The following DMAP1 variants were observed in gnomAD, a reference collection of about 807,000 sequenced individuals.
DMAP1 encodes DNA methyltransferase 1-associated protein 1.
In DMAP1, 26 loss-of-function variants were observed where a neutral mutation model predicts 52.7. That is an observed-to-expected ratio of 0.49 (90% CI 0.36 to 0.68). The LOEUF (loss-of-function observed/expected upper bound fraction) is 0.68. Ranked by LOEUF, DMAP1 falls within the 30% of genes least tolerant of loss-of-function variation. The pLI, the probability that DMAP1 is intolerant of heterozygous loss-of-function variation, is 0.00. For synonymous variants in DMAP1, 231 were observed against 246.0 expected, an observed-to-expected ratio of 0.94 and a Z score of 0.57; for missense variants, 439 against 625.2, an observed-to-expected ratio of 0.70 and a Z score of 3.18.
Position 44,219,480 on chromosome 1 carries a change from A to G in DMAP1, c.978+3A>G. The G allele has an allele frequency of 6.4e-7, 1 of 1,571,734 alleles. No individual in the cohort carries two copies. The highest frequency in any genetic ancestry group is 2.0e-5 in the Admixed American group (1 of 51,108). On this transcript the variant is annotated splice_donor_region_variant and intron_variant, in intron 7 of 9. Transcript: ENST00000372289. ...GTGTCACGCTGCGGAGCCAACGGGTACGTGAGTCACCTCCTTTAGCAAGTT... is the reference window on the plus strand; with the variant it reads ...GTGTCACGCTGCGGAGCCAACGGGTGCGTGAGTCACCTCCTTTAGCAAGTT...
rs1256772360 is a variant in DMAP1 at position 44,213,986 on chromosome 1, G to A, written c.105+128G>A. On this transcript the variant is annotated intron_variant, in intron 1 of 9. Transcript: ENST00000372289. This position sits in a 1 kb window ranked among gnomAD's most constrained non-coding sequence, Gnocchi z 4.5. ...GGGCGATAAAAGGGGTGACATAACA[G>A]GACAGGGAATATGTGTCATCCTTGA... The A allele has an allele frequency of 2.0e-5, 17 of 851,616 alleles. No homozygotes were observed. Among genetic ancestry groups the A allele is most frequent in the Non-Finnish European group, 3.2e-5 (17 of 532,154 alleles). 52.8% of individuals were successfully genotyped at this position (851,616 alleles called of 1,614,324 possible).
rs952133390 is a variant in DMAP1 at position 44,220,618 on chromosome 1, A to G, written c.1404A>G (p.Ter468TrpextTer12). The change falls in exon 10 of 10, where the codon TGA becomes TGG. Residue 468 changes from the stop codon to tryptophan (W), a stop_lost. Transcript: ENST00000372289. ...SSSVKKAKKP[*>W] ...CCGTGAAGAAAGCCAAGAAGCCGTG[A>G]GAGGCCCCACGGGGTGTGGGCGACG... is the stretch of plus-strand genomic sequence containing the variant. 6.2e-7 allele frequency: 1 copy of G among 1,614,124 alleles called. No individual in the cohort carries two copies. The highest frequency in any genetic ancestry group is 1.3e-5 in the African/African-American group (1 of 74,944).
Position 44,218,657 on chromosome 1 carries a change from G to A in DMAP1, c.622G>A (p.Val208Met). The stretch of plus-strand genomic sequence containing the variant: ...TGCTAAGCTTGCCAACGTGCGGGCT[G>A]TGCCAGGCACAGACCTTAAGATACC... Reference protein sequence around the residue: ...ICAKLANVRAVPGTDLKIPVF... With the variant: ...ICAKLANVRAMPGTDLKIPVF... The change falls in exon 5 of 10, where the codon GTG becomes ATG. Residue 208 changes from valine (V) to methionine (M), a missense_variant. By Grantham distance (21) the Val-to-Met change is conservative. Around this residue, in one of 3 missense-constraint regions of DMAP1, gnomAD observed 142 missense variants for 149.5 expected, o/e 0.95. Transcript: ENST00000372289. The surrounding 1 kb of genome is among the most constrained non-coding windows in gnomAD (Gnocchi z 5.6). 1 of 1,614,040 alleles carries A rather than the reference G, an allele frequency of 6.2e-7. No homozygotes were observed. The highest frequency in any genetic ancestry group is 8.5e-7 in the Non-Finnish European group (1 of 1,179,926).
chr1:44,217,890 C>T (rs1307042751), intron 3 of DMAP1: 1 of 277,272 alleles, frequency 3.6e-6, no homozygotes, highest in Non-Finnish European at 7.2e-6. Flanking sequence ...GTGGCAAGTC[C>T]CACTGTGCCC....
At position 44,219,740 on chromosome 1, in the gene DMAP1, T is replaced by C. The variant is rs545072434; in HGVS notation, c.979-66T>C. ...CTCTTCCACCATCTTTCCCTCTGCC[T>C]TTTGTCCCCTTCATCCTAAGCCTCT... On this transcript the variant is annotated intron_variant, in intron 7 of 9. Transcript: ENST00000372289. 630 of 1,579,428 alleles carry C rather than the reference T, an allele frequency of 4.0e-4. 1 individual carries two copies. Among genetic ancestry groups the C allele is most frequent in the Non-Finnish European group, 5.1e-4 (593 of 1,154,554 alleles).
Position 44,214,752 on chromosome 1 carries a change from G to C in DMAP1, c.247G>C (p.Val83Leu). Residue 83 changes from valine to leucine, a missense_variant, in exon 3 of 10, where the codon GTG becomes CTG. By Grantham distance (32) the Val-to-Leu change is conservative (BLOSUM62 1). Around this residue, in one of 3 missense-constraint regions of DMAP1, gnomAD observed 118 missense variants for 189.8 expected, o/e 0.62. Coordinates refer to ENST00000372289, the MANE Select transcript of DMAP1 (RefSeq NM_019100.5). ...PSDTGQGYRT[V>L]KAKLGSKKVR... Reference sequence around the variant, plus strand: ...TGACACTGGCCAGGGATACCGTACAGTGAAGGCCAAGTTGGGCTCCAAGAA... The same window carrying C: ...TGACACTGGCCAGGGATACCGTACACTGAAGGCCAAGTTGGGCTCCAAGAA... 6.2e-7 allele frequency: 1 copy of C among 1,614,102 alleles called. No homozygotes were observed. The highest frequency in any genetic ancestry group is 1.1e-5 in the South Asian group (1 of 91,082).
rs145830461 is a variant in DMAP1, at chr1:44,218,326, G to C, written c.409G>C (p.Val137Leu). 4.5e-4 allele frequency: 733 copies of C among 1,614,128 alleles called. 1 individual carries two copies. The highest frequency in any genetic ancestry group is 2.9e-4 in the Non-Finnish European group (343 of 1,180,048). The part of the protein sequence containing the change: ...ARFNKTVQVP[V>L]YSEQEYQLYL... ...GTGCTAGTAGACTGTGCAGGTGCCTGTGTACTCGGAGCAGGAGTACCAGCT... is the reference window on the plus strand; with the variant it reads ...GTGCTAGTAGACTGTGCAGGTGCCTCTGTACTCGGAGCAGGAGTACCAGCT... Residue 137 changes from valine to leucine, a missense_variant, in exon 4 of 10, where the codon GTG (valine) becomes CTG (leucine). By Grantham distance (32) the Val-to-Leu change is conservative. Coordinates refer to ENST00000372289, the MANE Select transcript of DMAP1 (RefSeq NM_019100.5). This position sits in a 1 kb window ranked among gnomAD's most constrained non-coding sequence, Gnocchi z 5.6.
rs1025142402 is a variant in DMAP1 at position 44,214,865 on chromosome 1, G to C, written c.360G>C (p.Glu120Asp). The change falls in exon 3 of 10, where the codon GAG (glutamate) becomes GAC (aspartate). Residue 120 changes from glutamate (E) to aspartate (D), a missense_variant. Glu to Asp is a conservative substitution (Grantham distance 45). Transcript: ENST00000372289. ...MFFHWRRAAE[E>D]GKDYPFARFN... ...TCCACTGGCGACGTGCAGCGGAGGA[G>C]GGCAAGGACTACCCCTTTGCCAGGT... 6.2e-7 allele frequency: 1 copy of C among 1,614,192 alleles called. No homozygotes were observed. The highest frequency in any genetic ancestry group is 8.5e-7 in the Non-Finnish European group (1 of 1,180,034).
intron 9 of DMAP1, 37 bp from the exon 10 acceptor site, chr1:44,220,522 G>T: frequency 1.9e-6 from 3 of 1,614,208 alleles, no homozygotes; most frequent in Non-Finnish European, 2.5e-6. Context: ...CAGGCCTTGG[G>T]GGGTCACTGA....
chr1:44,219,834 A>G lies in DMAP1; in HGVS notation c.1007A>G (p.Lys336Arg), dbSNP rs754618278. 6.2e-7 allele frequency: 1 copy of G among 1,614,202 alleles called. No individual in the cohort carries two copies. The highest frequency in any genetic ancestry group is 2.2e-5 in the East Asian group (1 of 44,876). The part of the protein sequence containing the change: ...RMKLPSSVGQ[K>R]KIKALEQMLL... ...AAGCTGCCAAGCTCTGTGGGACAGA[A>G]GAAGATCAAGGCCCTGGAACAGATG... Residue 336 changes from lysine to arginine, a missense_variant, in exon 8 of 10, where the codon AAG becomes AGG. Transcript: ENST00000372289.
At chr1:44,214,310 G>T (rs777170200) in intron 1 of DMAP1, 40 bp from the exon 2 acceptor site, 204 of 1,585,822 alleles carry the variant, frequency 1.3e-4, no homozygotes, top group Middle Eastern at 2.0e-4. Context: ...TTCAGGAAAG[G>T]GTCTAGGTTG....
Position 44,213,745 on chromosome 1 carries a change from T to G in DMAP1, c.-9T>G, listed in dbSNP as rs761109455. The G allele has an allele frequency of 3.2e-6, 5 of 1,568,930 alleles. No homozygotes were observed. Among genetic ancestry groups the G allele is most frequent in the African/African-American group, 2.7e-5 (2 of 73,678 alleles). On this transcript the variant is annotated 5_prime_UTR_variant, in exon 1 of 10. Transcript: ENST00000372289. The surrounding 1 kb of genome is among the most constrained non-coding windows in gnomAD (Gnocchi z 4.5). ...TGACCTCCGGTGGCTCCCCCATCTCTCAGGCGCGATGGCTACGGGCGCGGA... is the reference window on the plus strand; with the variant it reads ...TGACCTCCGGTGGCTCCCCCATCTCGCAGGCGCGATGGCTACGGGCGCGGA...
chr1:44,214,219 T>C, intron 1 of DMAP1, 131 bp from the exon 2 acceptor site: 1 of 861,384 alleles, frequency 1.2e-6, no homozygotes, highest in Non-Finnish European at 1.9e-6. Flanking sequence ...TGGGTTTCTG[T>C]GCCTTTACAG....
chr1:44,214,811 C>T lies in DMAP1; in HGVS notation c.306C>T (p.Asn102=), dbSNP rs765987110. Residue 102 remains asparagine (N), a synonymous_variant, in exon 3 of 10, where the codon AAC becomes AAT. Coordinates refer to ENST00000372289, the MANE Select transcript of DMAP1 (RefSeq NM_019100.5). ...VRPWKWMPFT[N]PARKDGAMFF... ...CTTGGAAGTGGATGCCATTCACCAA[C>T]CCGGCCCGCAAGGACGGAGCAATGT... The T allele has an allele frequency of 4.3e-6, 7 of 1,614,238 alleles. No individual in the cohort carries two copies. The highest frequency in any genetic ancestry group is 1.7e-5 in the Admixed American group (1 of 60,034).
chr1:44,213,600 C>A lies in DMAP1; in HGVS notation c.-154C>A. 1.6e-6 allele frequency: 1 copy of A among 644,106 alleles called. No homozygotes were observed. Among genetic ancestry groups the A allele is most frequent in the Non-Finnish European group, 2.7e-6 (1 of 369,964 alleles). The allele number at this position is 644,106 out of a possible 1,614,324, so 39.9% of individuals were successfully genotyped here. A position where few individuals can be genotyped will look rare whatever the true frequency, so the allele number is the denominator to read the frequency against. ...TCCAAGCGGTGGGGCACAGGCAGAT[C>A]CCCGACCTGACCTGGACCACCCTTC... On this transcript the variant is annotated 5_prime_UTR_variant, in exon 1 of 10. Transcript: ENST00000372289. The surrounding 1 kb of genome is among the most constrained non-coding windows in gnomAD (Gnocchi z 4.5).
At position 44,214,790 on chromosome 1, in the gene DMAP1, G is replaced by T; in HGVS notation, c.285G>T (p.Trp95Cys). 3 of 1,614,206 alleles carry T rather than the reference G, an allele frequency of 1.9e-6. No homozygotes were observed. The highest frequency in any genetic ancestry group is 2.5e-6 in the Non-Finnish European group (3 of 1,180,034). ...AKLGSKKVRPWKWMPFTNPAR... is the reference protein window; with the variant it reads ...AKLGSKKVRPCKWMPFTNPAR... ...TGGGCTCCAAGAAGGTGCGGCCTTG[G>T]AAGTGGATGCCATTCACCAACCCGG... Residue 95 changes from tryptophan (W) to cysteine (C), a missense_variant, in exon 3 of 10, where the codon TGG becomes TGT. Transcript: ENST00000372289.
chr1:44,215,158 G>A (rs1461269597), intron 3 of DMAP1: 1 of 612,860 alleles, frequency 1.6e-6, no homozygotes, highest in South Asian at 1.5e-5. Context: ...CCTCAGAGCT[G>A]TATCCTAGGT....
chr1:44,219,739 C>G (rs1032018963), intron 7 of DMAP1, 67 bp from the exon 8 acceptor site: 1 of 1,580,602 alleles, frequency 6.3e-7, no homozygotes, highest in Non-Finnish European at 8.7e-7. Context: ...TTCCCTCTGC[C>G]TTTTGTCCCC....
intron 2 of DMAP1, 27 bp downstream of exon 2, chr1:44,214,468 A>C (rs1479241761): frequency 1.9e-6 from 3 of 1,613,668 alleles, no homozygotes; most frequent in Admixed American, 3.3e-5. Flanking sequence ...CAAGTCCCCC[A>C]GGTTTTGGCC....
Sources: allele counts gnomAD v4.1 joint callset, GRCh38; gene constraint gnomAD v4.1.1; regional missense constraint gnomAD v4.1.1; non-coding constraint Gnocchi (gnomAD v3.1); transcripts MANE v1.5; gene names NCBI Gene and HGNC (gene_info 2026-07-23, HGNC 2026-07-21).